Variants in YWHAG observed in about 807,000 individuals in gnomAD.
The protein encoded by YWHAG is tyrosine 3-monooxygenase/tryptophan 5-monooxygenase activation protein gamma, also known as 14-3-3 protein gamma.
A neutral mutation model predicts 23.3 loss-of-function variants in YWHAG; 1 was observed. The ratio of observed to expected loss-of-function variants is 0.04; its 90% confidence interval spans 0.02 to 0.20. YWHAG has a LOEUF of 0.20. YWHAG is among the 10% of genes least tolerant of loss of function. The probability of loss-of-function intolerance (pLI) is 1.00; values close to 1 mark genes in which losing one functional copy is unlikely to be tolerated. For missense variants in YWHAG, 151 were observed against 338.6 expected, an observed-to-expected ratio of 0.45 and a Z score of 4.35; for synonymous variants, 160 against 144.0, an observed-to-expected ratio of 1.11 and a Z score of -0.80.
chr7:76,332,691 CT>C (rs1335846429), intron 1 of YWHAG, among the ~76,000 whole-genome samples: 495 of 134,650 alleles, frequency 3.7e-3, no homozygotes, highest in Admixed American at 6.2e-3. Flanking sequence ...TGGCTGATTT[CT>C]TTTTTTTTTT....
intron 1 of YWHAG, among the ~76,000 whole-genome samples, chr7:76,351,167 A>G (rs2115647330): frequency 6.6e-6 from 1 of 152,302 alleles, no homozygotes; most frequent in Non-Finnish European, 1.5e-5. Context: ...TAGCATCCTG[A>G]AAGGCCACCA....
At chr7:76,349,184 T>C (rs536790355) in intron 1 of YWHAG, among the ~76,000 whole-genome samples, 229 of 151,448 alleles carry the variant, frequency 1.5e-3, no homozygotes, top group African/African-American at 5.2e-3. Context: ...CTACTAAAAA[T>C]ACAAAAAGTT....
intron 1 of YWHAG, among the ~76,000 whole-genome samples, chr7:76,337,450 C>T (rs918742508): frequency 6.6e-6 from 1 of 152,068 alleles, no homozygotes; most frequent in Non-Finnish European, 1.5e-5. Context: ...ATGCGTATCC[C>T]GTGTGATTTC....
In YWHAG at chr7:76,340,475, A is replaced by G. The variant is rs79269821; in HGVS notation, c.88-10242T>C. Among the ~76,000 whole-genome samples the G allele has an allele frequency of 2.0e-5, 3 of 152,220 alleles. No individual in the cohort carries two copies. In the East Asian group the frequency reaches 5.8e-4, roughly 29 times the overall value. ...TTTTTCTCTATCATGTTAAGAAAGT[A>G]TCCATTTAGTCCATATTTTTCTAAT... On this transcript the variant is annotated intron_variant, in intron 1 of 1. Coordinates refer to ENST00000307630, the MANE Select transcript of YWHAG (RefSeq NM_012479.4).
intron 1 of YWHAG, among the ~76,000 whole-genome samples, chr7:76,339,295 C>G (rs536186998): frequency 6.6e-6 from 1 of 151,948 alleles, no homozygotes; most frequent in Admixed American, 6.6e-5. Context: ...TATGGTGAAA[C>G]CCCATCTCTA....
At chr7:76,358,245 T>C (rs573719543) in intron 1 of YWHAG, among the ~76,000 whole-genome samples, 29 of 151,654 alleles carry the variant, frequency 1.9e-4, no homozygotes, top group African/African-American at 6.0e-4. Flanking sequence ...CTGGGGGGGC[T>C]GGGGAGGTGG....
intron 1 of YWHAG, among the ~76,000 whole-genome samples, chr7:76,334,727 T>TAA (rs562043163): frequency 7.2e-6 from 1 of 138,730 alleles, no homozygotes; most frequent in Non-Finnish European, 1.6e-5. Flanking sequence ...TCTTCTTCTT[T>TAA]AAAAAAAAAA....
intron 1 of YWHAG, among the ~76,000 whole-genome samples, chr7:76,337,054 G>A (rs1303183230): frequency 6.6e-6 from 1 of 152,194 alleles, no homozygotes; most frequent in East Asian, 1.9e-4. Context: ...TGTTTACTAA[G>A]TAATCAACTA....
In YWHAG at chr7:76,329,542, T is replaced by A; in HGVS notation, c.*35A>T. The A allele has an allele frequency of 6.5e-7, 1 of 1,543,872 alleles. No individual in the cohort carries two copies. Among genetic ancestry groups the A allele is most frequent in the Non-Finnish European group, 8.7e-7 (1 of 1,143,556 alleles). On this transcript the variant is annotated 3_prime_UTR_variant, in exon 2 of 2. Transcript: ENST00000307630. The surrounding 1 kb of genome is among the most constrained non-coding windows in gnomAD (Gnocchi z 6.1). ...GGGAAAAAAATAAAGACTGCAGTAG[T>A]AGCATCCGCGTGCGCTGCCAGTTCC...
rs151104898 is a variant in YWHAG at position 76,330,758 on chromosome 7, T to C, written c.88-525A>G. Among the ~76,000 whole-genome samples the C allele has an allele frequency of 6.9e-3, 1,056 of 152,284 alleles. 8 individuals are homozygous for C. Among genetic ancestry groups the C allele is most frequent in the East Asian group, 0.032 (166 of 5,178 alleles). On this transcript the variant is annotated intron_variant, in intron 1 of 1. Transcript: ENST00000307630. Reference sequence around the variant, plus strand: ...ATAAGGGGCATAGGATTGAGTCTGATCGCTGTGATACTTTAGCAACCCAGG... The same window carrying C: ...ATAAGGGGCATAGGATTGAGTCTGACCGCTGTGATACTTTAGCAACCCAGG...
Position 76,329,489 on chromosome 7 carries a change from T to A in YWHAG, c.*88A>T. On this transcript the variant is annotated 3_prime_UTR_variant, in exon 2 of 2. Coordinates refer to ENST00000307630, the MANE Select transcript of YWHAG (RefSeq NM_012479.4). This position sits in a 1 kb window ranked among gnomAD's most constrained non-coding sequence, Gnocchi z 6.1. ...TCCCTGGGAAGGTCATCCCTCCCTT[T>A]CCCTCCCCCACCCGACCCCCAACTC... The A allele has an allele frequency of 5.9e-6, 6 of 1,024,212 alleles. No individual in the cohort carries two copies. Among genetic ancestry groups the A allele is most frequent in the Non-Finnish European group, 8.1e-6 (6 of 740,070 alleles). 63.4% of individuals were successfully genotyped at this position (1,024,212 alleles called of 1,614,324 possible). A position where few individuals can be genotyped will look rare whatever the true frequency, so the allele number is the denominator to read the frequency against.
rs71085403 is a variant in YWHAG at position 76,327,668 on chromosome 7, G to GCCCCCCCCCCCCCCCCCCCCCCCCCC, written c.*1908_*1909insGGGGGGGGGGGGGGGGGGGGGGGGGG. The GCCCCCCCCCCCCCCCCCCCCCCCCCC allele has an allele frequency of 3.0e-4, 14 of 47,110 alleles. No homozygotes were observed. The highest frequency in any genetic ancestry group is 1.2e-3 in the Admixed American group (5 of 4,198). 2.9% of individuals were successfully genotyped at this position (47,110 alleles called of 1,614,324 possible). A position where few individuals can be genotyped will look rare whatever the true frequency, so the allele number is the denominator to read the frequency against. On this transcript the variant is annotated 3_prime_UTR_variant, in exon 2 of 2. Transcript: ENST00000307630. ...AATTAGGGAAAGCCCCACCTACCCTGCCCCCCCCCCCCTCCCCCCCCAAAT... is the reference window on the plus strand; with the variant it reads ...AATTAGGGAAAGCCCCACCTACCCTGCCCCCCCCCCCCCCCCCCCCCCCCCCCCCCCCCCCCCCTCCCCCCCCAAAT...
intron 1 of YWHAG, among the ~76,000 whole-genome samples, chr7:76,354,323 C>T (rs1803918529): frequency 6.6e-6 from 1 of 151,982 alleles, no homozygotes; most frequent in Admixed American, 6.6e-5. Context: ...TCAGCCTGGC[C>T]AACATGGTGA....
chr7:76,358,909 C>A lies in YWHAG; in HGVS notation c.-101G>T, dbSNP rs1804007159. 3 of 1,144,864 alleles carry A rather than the reference C, an allele frequency of 2.6e-6. No homozygotes were observed. The highest frequency in any genetic ancestry group is 3.5e-6 in the Non-Finnish European group (3 of 846,874). The allele number at this position is 1,144,864 out of a possible 1,614,324, so 70.9% of individuals were successfully genotyped here. On this transcript the variant is annotated 5_prime_UTR_variant, in exon 1 of 2. Transcript: ENST00000307630. Reference sequence around the variant, plus strand: ...AGCCCAAGTGCCGGAGAGGACCGACCCACAGAGCGAGCAGCTGAGGCGGCG... The same window carrying A: ...AGCCCAAGTGCCGGAGAGGACCGACACACAGAGCGAGCAGCTGAGGCGGCG...
chr7:76,336,471 T>TTC (rs1803617210), intron 1 of YWHAG, among the ~76,000 whole-genome samples: 2 of 128,796 alleles, frequency 1.6e-5, no homozygotes, highest in African/African-American at 6.2e-5. Flanking sequence ...TTTTTTTTTT[T>TTC]CTGAGACAGA....
chr7:76,343,151 GGTT>G (rs1236336865), intron 1 of YWHAG, among the ~76,000 whole-genome samples: 3 of 152,036 alleles, frequency 2.0e-5, no homozygotes, highest in South Asian at 2.1e-4. Flanking sequence ...AAAAAAATTA[GGTT>G]GTTATGTGTA....
intron 1 of YWHAG, among the ~76,000 whole-genome samples, chr7:76,352,301 C>A (rs1173466069): frequency 6.6e-6 from 1 of 152,152 alleles, no homozygotes; most frequent in Non-Finnish European, 1.5e-5. Context: ...TTTTTAAAGC[C>A]TTCCCCTCGC....
intron 1 of YWHAG, among the ~76,000 whole-genome samples, chr7:76,337,458 T>C (rs1198245473): frequency 6.6e-6 from 1 of 152,134 alleles, no homozygotes; most frequent in Non-Finnish European, 1.5e-5. Flanking sequence ...CCCGTGTGAT[T>C]TCCCTGGGAG....
chr7:76,329,489 T>TACCAC lies in YWHAG; in HGVS notation c.*87_*88insGTGGT. ...TCCCTGGGAAGGTCATCCCTCCCTT[T>TACCAC]CCCTCCCCCACCCGACCCCCAACTC... is the stretch of plus-strand genomic sequence containing the variant. On this transcript the variant is annotated 3_prime_UTR_variant, in exon 2 of 2. Coordinates refer to ENST00000307630, the MANE Select transcript of YWHAG (RefSeq NM_012479.4). This position sits in a 1 kb window ranked among gnomAD's most constrained non-coding sequence, Gnocchi z 6.1. 9.8e-7 allele frequency: 1 copy of TACCAC among 1,024,228 alleles called. No individual in the cohort carries two copies. Among genetic ancestry groups the TACCAC allele is most frequent in the Non-Finnish European group, 1.4e-6 (1 of 740,082 alleles). 63.4% of individuals were successfully genotyped at this position (1,024,228 alleles called of 1,614,324 possible).
Sources: allele counts gnomAD v4.1 joint callset (sites outside exome capture counted in the v4.1 genomes callset), GRCh38; gene constraint gnomAD v4.1.1; non-coding constraint Gnocchi (gnomAD v3.1); transcripts MANE v1.5; gene names NCBI Gene and HGNC (gene_info 2026-07-23, HGNC 2026-07-21).